The following NEDD4L variants were observed in gnomAD, a reference collection of about 807,000 sequenced individuals.
The protein encoded by NEDD4L is E3 ubiquitin-protein ligase NEDD4-like.
NEDD4L carries 54 observed loss-of-function variants against 148.9 expected under a neutral mutation model. The ratio of observed to expected loss-of-function variants is 0.36; its 90% CI spans 0.29 to 0.45. The LOEUF (loss-of-function observed/expected upper bound fraction) is 0.45. Ranked by LOEUF, NEDD4L falls within the 20% of genes least tolerant of loss-of-function variation. NEDD4L has a pLI of 1.00. For missense variants in NEDD4L, 856 were observed against 1,233.8 expected, an observed-to-expected ratio of 0.69 and a Z score of 4.59; for synonymous variants, 433 against 440.7, an observed-to-expected ratio of 0.98 and a Z score of 0.22.
chr18:58,141,899 G>A (rs569339892), intron 1 of NEDD4L, among the ~76,000 whole-genome samples: 2 of 152,208 alleles, frequency 1.3e-5, no homozygotes, highest in African/African-American at 2.4e-5. Flanking sequence ...AAACTCACAG[G>A]AGCTGTGAAA....
At chr18:58,057,265 T>A (rs1436133838) in intron 1 of NEDD4L, among the ~76,000 whole-genome samples, 1 of 142,784 alleles carries the variant, frequency 7.0e-6, no homozygotes, top group Admixed American at 7.1e-5. Context: ...TTTTTTTTTT[T>A]AATTATCTGG....
At chr18:58,385,348 G>A (rs887271753) in intron 25 of NEDD4L, among the ~76,000 whole-genome samples, 178 bp from the exon 26 acceptor site, 2 of 152,148 alleles carry the variant, frequency 1.3e-5, no homozygotes, top group Non-Finnish European at 2.9e-5. Context: ...GGTTTTTCAC[G>A]GGTGTTCCAG....
At chr18:58,134,752 G>T (rs1599016218) in intron 1 of NEDD4L, among the ~76,000 whole-genome samples, 2 of 146,522 alleles carry the variant, frequency 1.4e-5, no homozygotes, top group Non-Finnish European at 1.5e-5. Context: ...TTTTTCTTTT[G>T]TCTTCAAGCA....
At chr18:58,052,252 G>C (rs960361649) in intron 1 of NEDD4L, among the ~76,000 whole-genome samples, 7 of 152,196 alleles carry the variant, frequency 4.6e-5, no homozygotes, top group African/African-American at 1.7e-4. Flanking sequence ...GCAAGACCGT[G>C]GCTGAAGTTG....
At chr18:58,316,219 T>A (rs190673965) in intron 6 of NEDD4L, among the ~76,000 whole-genome samples, 187 bp downstream of exon 6, 4 of 152,306 alleles carry the variant, frequency 2.6e-5, no homozygotes, top group African/African-American at 9.6e-5. Context: ...AAGCTGGCTG[T>A]AAGAGTAGTC....
intron 1 of NEDD4L, among the ~76,000 whole-genome samples, chr18:58,165,033 CTGTCCTAAA>C (rs1043051876): frequency 1.3e-5 from 2 of 152,216 alleles, no homozygotes; most frequent in African/African-American, 4.8e-5. Flanking sequence ...GCCATCTCAC[CTGTCCTAAA>C]TGTCGTAGCC....
intron 1 of NEDD4L, among the ~76,000 whole-genome samples, chr18:58,151,996 G>A (rs1169209423): frequency 6.6e-6 from 1 of 152,044 alleles, no homozygotes; most frequent in Non-Finnish European, 1.5e-5. Context: ...GGATAGAAAG[G>A]CACAGTGAGT....
At chr18:58,180,193 G>A (rs1190216682) in intron 2 of NEDD4L, among the ~76,000 whole-genome samples, 2 of 152,140 alleles carry the variant, frequency 1.3e-5, no homozygotes, top group African/African-American at 2.4e-5. Context: ...TCTCCGAGCC[G>A]CGGTGCGCTC....
chr18:58,114,662 TATATCTCATAGTC>T (rs1427596514), intron 1 of NEDD4L, among the ~76,000 whole-genome samples: 1 of 120,440 alleles, frequency 8.3e-6, no homozygotes, highest in Non-Finnish European at 1.6e-5. Flanking sequence ...GATTTGCTAT[TATATCTCATAGTC>T]ATAGTCCTGT....
chr18:58,172,336 G>A (rs566521539), intron 2 of NEDD4L, among the ~76,000 whole-genome samples: 1 of 152,308 alleles, frequency 6.6e-6, no homozygotes, highest in South Asian at 2.1e-4. Context: ...CTGTGGTGGG[G>A]CAGGGACAAG....
At chr18:58,076,659 C>T (rs894186892) in intron 1 of NEDD4L, among the ~76,000 whole-genome samples, 4 of 151,944 alleles carry the variant, frequency 2.6e-5, no homozygotes, top group Non-Finnish European at 4.4e-5. Flanking sequence ...TTTCAGCGGG[C>T]GGGCGGGCTG....
At chr18:58,066,344 G>A (rs970933145) in intron 1 of NEDD4L, among the ~76,000 whole-genome samples, 19 of 42,384 alleles carry the variant, frequency 4.5e-4, no homozygotes, top group Admixed American at 1.5e-3. Context: ...TTGGGAATTG[G>A]GTTTATTTTG....
At chr18:58,115,710 G>C (rs2085776000) in intron 1 of NEDD4L, among the ~76,000 whole-genome samples, 1 of 152,118 alleles carries the variant, frequency 6.6e-6, no homozygotes, top group Non-Finnish European at 1.5e-5. Context: ...CTCTTGTGTT[G>C]CGTGGCAATG....
chr18:58,107,709 G>C (rs58114490), intron 1 of NEDD4L, among the ~76,000 whole-genome samples: 64,626 of 149,624 alleles, frequency 0.43, 16,594 homozygotes, highest in East Asian at 0.81. Context: ...AACAGAGCAA[G>C]ACCCTGTCTC....
At chr18:58,120,140 C>T (rs2086133717) in intron 1 of NEDD4L, among the ~76,000 whole-genome samples, 1 of 152,206 alleles carries the variant, frequency 6.6e-6, no homozygotes, top group African/African-American at 2.4e-5. Context: ...ACCTCTCTGG[C>T]TGCCTTGACG....
At chr18:58,176,510 A>T (rs185128919) in intron 2 of NEDD4L, among the ~76,000 whole-genome samples, 20 of 152,246 alleles carry the variant, frequency 1.3e-4, no homozygotes, top group African/African-American at 4.8e-4. Context: ...ATTTTTAAAA[A>T]TTTTTATAGA....
chr18:58,226,034 A>G (rs1329615209), intron 2 of NEDD4L, among the ~76,000 whole-genome samples: 7 of 152,214 alleles, frequency 4.6e-5, no homozygotes, highest in African/African-American at 9.7e-5. Flanking sequence ...ACCAACCTTT[A>G]GAAATCTTTA....
At chr18:58,064,314 G>A (rs569310079) in intron 1 of NEDD4L, among the ~76,000 whole-genome samples, 1 of 152,168 alleles carries the variant, frequency 6.6e-6, no homozygotes, top group African/African-American at 2.4e-5. Flanking sequence ...GATGTTTATA[G>A]CTGGTATATC....
intron 5 of NEDD4L, among the ~76,000 whole-genome samples, chr18:58,304,458 G>T (rs2056843690): frequency 1.3e-5 from 2 of 152,100 alleles, no homozygotes; most frequent in African/African-American, 4.8e-5. Flanking sequence ...AGGCTACAGT[G>T]AGCTATGTTT....
Sources: gnomAD v4.1 joint callset for allele counts (sites outside exome capture counted in the v4.1 genomes callset) on GRCh38, gnomAD v4.1.1 for gene constraint, MANE v1.5 for transcripts, NCBI Gene and HGNC (gene_info 2026-07-23, HGNC 2026-07-21) for gene names.